Variants in WSCD1 observed in about 807,000 individuals in gnomAD.
The protein encoded by WSCD1 is WSC domain sialate O sulfotransferase 1, also known as sialate:O-sulfotransferase 1.
In WSCD1, 41 loss-of-function variants were observed where a neutral mutation model predicts 60.4. The ratio of observed to expected loss-of-function variants is 0.68; its 90% confidence interval spans 0.53 to 0.88. The LOEUF (loss-of-function observed/expected upper bound fraction) is 0.88, where lower values mean the gene tolerates loss of function less well. WSCD1 is among the 40% of genes least tolerant of loss of function. The pLI, the probability that WSCD1 is intolerant of heterozygous loss-of-function variation, is 0.00. For synonymous variants in WSCD1, 361 were observed against 332.5 expected (o/e 1.09, Z -0.93); for missense variants, 784 against 796.2 (o/e 0.98, Z 0.18).
rs547222695 is a variant in WSCD1 at position 6,120,707 on chromosome 17, C to T, written c.*46C>T. 2 of 1,556,054 alleles carry T rather than the reference C, an allele frequency of 1.3e-6. No individual in the cohort carries two copies. Among genetic ancestry groups the T allele is most frequent in the East Asian group, 2.3e-5 (1 of 44,356 alleles). On this transcript the variant is annotated 3_prime_UTR_variant, in exon 9 of 9. Coordinates refer to ENST00000317744, the MANE Select transcript of WSCD1 (RefSeq NM_015253.2). Reference sequence around the variant, plus strand: ...GCCCCCGCTGAGTGACGCAATCGCACCACGGGGCTGCGCTCCCCACTCTGA... The same window carrying T: ...GCCCCCGCTGAGTGACGCAATCGCATCACGGGGCTGCGCTCCCCACTCTGA...
intron 5 of WSCD1, among the ~76,000 whole-genome samples, chr17:6,108,616 A>T (rs1013680674): frequency 6.6e-5 from 10 of 152,222 alleles, no homozygotes; most frequent in African/African-American, 2.2e-4. Flanking sequence ...GGTGCTGGGC[A>T]CTTTGGACCT....
chr17:6,111,048 A>C, intron 7 of WSCD1, 113 bp downstream of exon 7: 1 of 1,354,762 alleles, frequency 7.4e-7, no homozygotes, highest in African/African-American at 1.5e-5. Flanking sequence ...TTGAGTGTAC[A>C]TAAGAGTCAC....
At chr17:6,085,210 A>G (rs144259890) in intron 2 of WSCD1, among the ~76,000 whole-genome samples, 1 of 152,206 alleles carries the variant, frequency 6.6e-6, no homozygotes, top group South Asian at 2.1e-4. Context: ...ATTGTATTGT[A>G]TAGACATACA....
intron 2 of WSCD1, among the ~76,000 whole-genome samples, 179 bp from the exon 3 acceptor site, chr17:6,087,811 A>G (rs1909756006): frequency 6.6e-6 from 1 of 152,198 alleles, no homozygotes; most frequent in South Asian, 2.1e-4. Flanking sequence ...AACAAGTGGG[A>G]GGTGTCAGAT....
At chr17:6,069,790 T>C (rs1002857577), upstream of WSCD1, among the ~76,000 whole-genome samples, 1 of 101,994 alleles carries the variant, frequency 9.8e-6, no homozygotes, top group Non-Finnish European at 2.0e-5. Context: ...TGTGTGTGTG[T>C]GTGTGTGTGT....
chr17:6,108,593 G>A (rs977159667), intron 5 of WSCD1, among the ~76,000 whole-genome samples: 5 of 152,202 alleles, frequency 3.3e-5, no homozygotes, highest in African/African-American at 4.8e-5. Context: ...CTCCTTGGAA[G>A]CATGCCAGGC....
At position 6,117,249 on chromosome 17, in the gene WSCD1, G is replaced by A. The variant is rs375690698; in HGVS notation, c.1175-739G>A. Among the ~76,000 whole-genome samples, 33 of 152,324 alleles carry A rather than the reference G, an allele frequency of 2.2e-4. No individual in the cohort carries two copies. In the South Asian group the frequency reaches 2.7e-3, roughly 12 times the overall value. On this transcript the variant is annotated intron_variant, in intron 7 of 8. Transcript: ENST00000317744. ...ACCAAGGAAAGAGAGGGCCCCCGAT[G>A]GGCTGATCAATGGGAACAAGTCTCC...
rs780496682 is a variant in WSCD1 at position 6,120,491 on chromosome 17, G to A, written c.1558G>A (p.Val520Met). 22 of 1,613,838 alleles carry A rather than the reference G, an allele frequency of 1.4e-5. No homozygotes were observed. The highest frequency in any genetic ancestry group is 6.7e-5 in the East Asian group (3 of 44,880). Residue 520 changes from valine to methionine, a missense_variant, in exon 9 of 9, where the codon GTG becomes ATG. Val to Met is a conservative substitution (Grantham distance 21, BLOSUM62 1). Coordinates refer to ENST00000317744, the MANE Select transcript of WSCD1 (RefSeq NM_015253.2). ...TGTGAGCGAGGAGCGGCTGCTCTGC[G>A]TGGAGAACAACAAGGAGGGCAGCTT... Reference protein sequence around the residue: ...VSVSEERLLCVENNKEGSFRR... With the variant: ...VSVSEERLLCMENNKEGSFRR...
intron 4 of WSCD1, among the ~76,000 whole-genome samples, chr17:6,092,079 G>A (rs1230787837): frequency 1.3e-5 from 2 of 151,412 alleles, no homozygotes; most frequent in Non-Finnish European, 2.9e-5. Context: ...GCTTGAACCC[G>A]GGAGGCGGAG....
Position 6,070,425 on chromosome 17 carries a change from G to GCGCC in WSCD1, c.-502_-499dup, listed in dbSNP as rs1250152627. 4.8e-5 allele frequency: 7 copies of GCGCC among 146,654 alleles called. No individual in the cohort carries two copies. The highest frequency in any genetic ancestry group is 3.4e-4 in the Admixed American group (5 of 14,698). 9.1% of individuals were successfully genotyped at this position (146,654 alleles called of 1,614,324 possible). A position where few individuals can be genotyped will look rare whatever the true frequency, so the allele number is the denominator to read the frequency against. On this transcript the variant is annotated 5_prime_UTR_variant, in exon 1 of 9. Transcript: ENST00000317744. ...CCCGCCCGCTGCCCGCCCCGGCTCC[G>GCGCC]CGCCCGCCCGCCCGCCCCGCCGTTC...
At chr17:6,086,621 T>G (rs1297538569) in intron 2 of WSCD1, among the ~76,000 whole-genome samples, 1 of 152,168 alleles carries the variant, frequency 6.6e-6, no homozygotes, top group Non-Finnish European at 1.5e-5. Context: ...CCCAAAGTGC[T>G]GGCATTATAG....
chr17:6,074,525 T>A (rs996887313), intron 1 of WSCD1, among the ~76,000 whole-genome samples: 1 of 152,212 alleles, frequency 6.6e-6, no homozygotes, highest in Non-Finnish European at 1.5e-5. Context: ...GTAGGGACAT[T>A]AGCAGGGAAC....
chr17:6,107,181 G>A (rs550737040), intron 5 of WSCD1, among the ~76,000 whole-genome samples: 1 of 152,216 alleles, frequency 6.6e-6, no homozygotes, highest in Admixed American at 6.5e-5. Context: ...CTTCTTGTAA[G>A]GACCTTTGTC....
Position 6,123,699 on chromosome 17 carries a change from A to G in WSCD1, c.*3038A>G, listed in dbSNP as rs147588315. 6.6e-6 allele frequency: 1 copy of G among 152,290 alleles called. No individual in the cohort carries two copies. Among genetic ancestry groups the G allele is most frequent in the East Asian group, 1.9e-4 (1 of 5,174 alleles). The allele number at this position is 152,290 out of a possible 1,614,324, so 9.4% of individuals were successfully genotyped here. A position where few individuals can be genotyped will look rare whatever the true frequency, so the allele number is the denominator to read the frequency against. On this transcript the variant is annotated 3_prime_UTR_variant, in exon 9 of 9. Coordinates refer to ENST00000317744, the MANE Select transcript of WSCD1 (RefSeq NM_015253.2). ...ACCCATTGGAGGTATCTGAAATGTG[A>G]TGACTCCAAAGGGGTTCATTTCACT...
chr17:6,073,047 A>C (rs1298337661), intron 1 of WSCD1, among the ~76,000 whole-genome samples: 1 of 152,106 alleles, frequency 6.6e-6, no homozygotes, highest in Middle Eastern at 3.2e-3. Context: ...CCTTCTAGAG[A>C]GTGGCTCCCT....
At chr17:6,079,490 T>C (rs1378630733) in intron 1 of WSCD1, among the ~76,000 whole-genome samples, 3 of 152,188 alleles carry the variant, frequency 2.0e-5, no homozygotes, top group Non-Finnish European at 4.4e-5. Context: ...GAGAGACCCA[T>C]GGAAGGCAGA....
intron 1 of WSCD1, among the ~76,000 whole-genome samples, chr17:6,079,266 G>A (rs1178964750): frequency 6.6e-6 from 1 of 152,198 alleles, no homozygotes; most frequent in Non-Finnish European, 1.5e-5. Context: ...GGCCTGGCGG[G>A]GGGCCCGGAC....
chr17:6,094,414 C>T (rs1597359871), intron 4 of WSCD1, among the ~76,000 whole-genome samples: 1 of 152,220 alleles, frequency 6.6e-6, no homozygotes, highest in Admixed American at 6.5e-5. Flanking sequence ...TTCAGATTTC[C>T]ATGTCTGCTT....
chr17:6,073,555 A>G (rs1908670829), intron 1 of WSCD1, among the ~76,000 whole-genome samples: 2 of 152,200 alleles, frequency 1.3e-5, no homozygotes. Context: ...GCTTGAACCC[A>G]GGAGGCGGAG....
Sources: gnomAD v4.1 joint callset for allele counts (sites outside exome capture counted in the v4.1 genomes callset) on GRCh38, gnomAD v4.1.1 for gene constraint, MANE v1.5 for transcripts, NCBI Gene and HGNC (gene_info 2026-07-23, HGNC 2026-07-21) for gene names.